Variants in CDH13 observed in about 807,000 individuals in gnomAD.
CDH13 encodes cadherin-13.
CDH13 carries 24 observed loss-of-function variants against 63.8 expected under a neutral mutation model. The observed-to-expected ratio is 0.38, with a 90% CI of 0.27 to 0.53. The LOEUF is 0.53. Ranked by LOEUF, CDH13 falls within the 20% of genes least tolerant of loss-of-function variation. The pLI is 0.85. For missense variants in CDH13, 1,049 were observed against 903.1 expected, an observed-to-expected ratio of 1.16 and a Z score of -2.07; for synonymous variants, 503 against 355.3, an observed-to-expected ratio of 1.42 and a Z score of -4.67.
intron 5 of CDH13, among the ~76,000 whole-genome samples, chr16:83,274,793 TG>T (rs1278325786): frequency 6.6e-6 from 1 of 152,178 alleles, no homozygotes; most frequent in Non-Finnish European, 1.5e-5. Context: ...AGAACCTCCA[TG>T]GGTGTGAACT....
At chr16:82,949,493 G>C (rs140464036) in intron 2 of CDH13, among the ~76,000 whole-genome samples, 10 of 152,238 alleles carry the variant, frequency 6.6e-5, no homozygotes, top group South Asian at 2.1e-4. Flanking sequence ...GTTTCTTTTA[G>C]GGGGACACAA....
At chr16:83,287,474 A>T (rs1380367985) in intron 5 of CDH13, among the ~76,000 whole-genome samples, 3 of 145,946 alleles carry the variant, frequency 2.1e-5, no homozygotes, top group African/African-American at 8.1e-5. Context: ...CTGTCAGATC[A>T]GGGGCAGCAT....
chr16:82,805,859 A>G (rs1178101908), intron 1 of CDH13, among the ~76,000 whole-genome samples: 2 of 152,140 alleles, frequency 1.3e-5, no homozygotes, highest in African/African-American at 4.8e-5. Context: ...CGGTTGACGA[A>G]CTCTAGTGTG....
chr16:82,840,169 A>G (rs2038945813), intron 1 of CDH13, among the ~76,000 whole-genome samples: 1 of 152,108 alleles, frequency 6.6e-6, no homozygotes, highest in Non-Finnish European at 1.5e-5. Flanking sequence ...CTTATGACTG[A>G]ATCTGTATTC....
intron 4 of CDH13, among the ~76,000 whole-genome samples, chr16:83,156,821 A>G (rs1567885930): frequency 6.6e-6 from 1 of 152,156 alleles, no homozygotes; most frequent in African/African-American, 2.4e-5. Flanking sequence ...ATATATTTAT[A>G]CTAATTCAGA....
At chr16:83,069,861 A>G (rs186389228) in intron 3 of CDH13, among the ~76,000 whole-genome samples, 1 of 152,330 alleles carries the variant, frequency 6.6e-6, no homozygotes, top group Admixed American at 6.5e-5. Flanking sequence ...TTAGAGGAAA[A>G]CAAACCATTT....
At chr16:83,312,596 G>C (rs762317420) in intron 5 of CDH13, among the ~76,000 whole-genome samples, 3 of 152,180 alleles carry the variant, frequency 2.0e-5, no homozygotes, top group Non-Finnish European at 4.4e-5. Flanking sequence ...AAACAACACT[G>C]TGACTGACAC....
At chr16:83,794,942 G>C (rs1420682875) in intron 13 of CDH13, 81 bp from the exon 14 acceptor site, 1 of 1,315,718 alleles carries the variant, frequency 7.6e-7, no homozygotes, top group Non-Finnish European at 1.1e-6. Flanking sequence ...TACCTTGCCT[G>C]TCATTTTTCT....
intron 2 of CDH13, among the ~76,000 whole-genome samples, chr16:82,938,092 C>T (rs1425792934): frequency 2.6e-5 from 4 of 152,154 alleles, no homozygotes; most frequent in Non-Finnish European, 5.9e-5. Flanking sequence ...CGCCAAAAAA[C>T]GGAAAGATAA....
intron 8 of CDH13, among the ~76,000 whole-genome samples, chr16:83,648,196 C>T (rs935551447): frequency 1.3e-5 from 2 of 152,066 alleles, no homozygotes; most frequent in African/African-American, 4.8e-5. Flanking sequence ...TTTCATCATC[C>T]AGGCGTGTAA....
chr16:82,628,978 C>G (rs1343831918), intron 1 of CDH13, among the ~76,000 whole-genome samples: 1 of 152,226 alleles, frequency 6.6e-6, no homozygotes, highest in East Asian at 1.9e-4. Flanking sequence ...GCAATGCATG[C>G]CAGTCTGGGA....
chr16:83,177,204 T>A (rs1299475559), intron 4 of CDH13, among the ~76,000 whole-genome samples: 1 of 152,188 alleles, frequency 6.6e-6, no homozygotes. Context: ...CCTCTGAGAC[T>A]CAAATACTCA....
intron 2 of CDH13, among the ~76,000 whole-genome samples, chr16:83,004,950 G>C (rs938153187): frequency 6.6e-6 from 1 of 152,200 alleles, no homozygotes; most frequent in African/African-American, 2.4e-5. Flanking sequence ...CCATAGCCAG[G>C]CTGTAGGAAA....
intron 6 of CDH13, among the ~76,000 whole-genome samples, chr16:83,460,961 CAGAATT>C (rs2073161490): frequency 6.7e-6 from 1 of 148,276 alleles, no homozygotes. Flanking sequence ...GCCTGGGTGA[CAGAATT>C]AGACCTTGTC....
chr16:82,679,146 A>C (rs545401345), intron 1 of CDH13, among the ~76,000 whole-genome samples: 1 of 152,302 alleles, frequency 6.6e-6, no homozygotes, highest in South Asian at 2.1e-4. Context: ...TGCATTCCCA[A>C]ACTTTGCAAG....
At chr16:82,831,126 G>A (rs962515229) in intron 1 of CDH13, among the ~76,000 whole-genome samples, 7 of 152,078 alleles carry the variant, frequency 4.6e-5, no homozygotes, top group African/African-American at 1.4e-4. Flanking sequence ...GCACCTAGGC[G>A]CCGCACCAGA....
At chr16:83,738,900 C>G (rs781038589) in intron 10 of CDH13, among the ~76,000 whole-genome samples, 1 of 151,916 alleles carries the variant, frequency 6.6e-6, no homozygotes, top group African/African-American at 2.4e-5. Context: ...AGGGAGACTC[C>G]GTCTGAAAAC....
intron 7 of CDH13, among the ~76,000 whole-genome samples, chr16:83,562,348 C>T (rs1223022970): frequency 1.3e-5 from 2 of 152,126 alleles, no homozygotes; most frequent in African/African-American, 4.8e-5. Context: ...AAAAAAATTG[C>T]AAAGTATATA....
intron 10 of CDH13, among the ~76,000 whole-genome samples, chr16:83,732,078 G>T (rs960249862): frequency 1.3e-5 from 2 of 152,128 alleles, no homozygotes; most frequent in Non-Finnish European, 2.9e-5. Flanking sequence ...CTGTGAGCCG[G>T]GTCCTAACTA....
Sources: gnomAD v4.1 joint callset for allele counts (sites outside exome capture counted in the v4.1 genomes callset) on GRCh38, gnomAD v4.1.1 for gene constraint, MANE v1.5 for transcripts, NCBI Gene and HGNC (gene_info 2026-07-23, HGNC 2026-07-21) for gene names.